TMOD2: variants seen among roughly 807,000 people sequenced by gnomAD.
TMOD2 encodes tropomodulin-2.
TMOD2 carries 22 observed loss-of-function variants against 39.9 expected under a neutral mutation model. The ratio of observed to expected loss-of-function variants is 0.55; its 90% CI spans 0.39 to 0.79. The LOEUF is 0.79. Ranked by LOEUF, TMOD2 falls within the 30% of genes least tolerant of loss-of-function variation. The probability of loss-of-function intolerance (pLI) is 0.00; values close to 1 mark genes in which losing one functional copy is unlikely to be tolerated. For synonymous variants in TMOD2, 123 were observed against 146.1 expected, an observed-to-expected ratio of 0.84 and a Z score of 1.14; for missense variants, 386 against 413.3, an observed-to-expected ratio of 0.93 and a Z score of 0.57.
Position 51,774,954 on chromosome 15 carries a change from A to G in TMOD2, c.406+1120A>G, listed in dbSNP as rs111752211. 8.0e-3 allele frequency among the ~76,000 whole-genome samples: 1,216 copies of G among 151,980 alleles called. 20 individuals carry two copies. The highest frequency in any genetic ancestry group is 0.028 in the African/African-American group (1,154 of 41,446). The stretch of plus-strand genomic sequence containing the variant: ...ATTCATACAGTAAAACCAGAGAGAG[A>G]ATCCAAATAGAAAACTGTCCTCGTT... On this transcript the variant is annotated intron_variant, in intron 4 of 9. Transcript: ENST00000249700.
intron 1 of TMOD2, among the ~76,000 whole-genome samples, chr15:51,754,070 G>T (rs1025734983): frequency 6.6e-6 from 1 of 152,036 alleles, no homozygotes; most frequent in African/African-American, 2.4e-5. Flanking sequence ...CGGGGGGTTG[G>T]TGTTCCCATT....
intron 7 of TMOD2, among the ~76,000 whole-genome samples, chr15:51,788,061 A>G (rs1383324558): frequency 6.6e-6 from 1 of 152,244 alleles, no homozygotes; most frequent in African/African-American, 2.4e-5. Context: ...TTCTCTGAGC[A>G]AAAGGAGCAT....
intron 7 of TMOD2, among the ~76,000 whole-genome samples, chr15:51,790,689 G>T (rs1273172246): frequency 1.3e-5 from 2 of 152,112 alleles, no homozygotes; most frequent in African/African-American, 4.8e-5. Flanking sequence ...GGGATGCAAG[G>T]GTGGTTCAAC....
At chr15:51,774,921 A>T (rs943755578) in intron 4 of TMOD2, among the ~76,000 whole-genome samples, 2 of 151,982 alleles carry the variant, frequency 1.3e-5, no homozygotes, top group Non-Finnish European at 2.9e-5. Context: ...AAGATACTAG[A>T]TCCTGAAATT....
intron 6 of TMOD2, among the ~76,000 whole-genome samples, chr15:51,781,511 G>T (rs1268581998): frequency 6.6e-6 from 1 of 152,228 alleles, no homozygotes; most frequent in Non-Finnish European, 1.5e-5. Flanking sequence ...TAGCTGGATA[G>T]TGTGGCTCAG....
chr15:51,804,329 A>G (rs1259419729), intron 8 of TMOD2, among the ~76,000 whole-genome samples: 1 of 152,236 alleles, frequency 6.6e-6, no homozygotes, highest in Non-Finnish European at 1.5e-5. Context: ...TGTTAGATGA[A>G]AAATAAAAAC....
chr15:51,792,427 A>G (rs568269481), intron 7 of TMOD2, among the ~76,000 whole-genome samples: 20 of 152,354 alleles, frequency 1.3e-4, no homozygotes, highest in African/African-American at 4.8e-4. Context: ...AGTATAAATT[A>G]GTTCAACCAT....
At chr15:51,789,230 C>CT (rs1439550417) in intron 7 of TMOD2, among the ~76,000 whole-genome samples, 12 of 152,156 alleles carry the variant, frequency 7.9e-5, no homozygotes, top group African/African-American at 2.9e-4. Flanking sequence ...ATAAAACAGA[C>CT]TTTAAACTAA....
rs961959786 is a variant in TMOD2, at chr15:51,780,781, T to C, written c.494-263T>C. ...CCATGGATATTTTGAAAGTTGGAGT[T>C]TGCTGCAGGGTCTCCTGAACTTTGG... On this transcript the variant is annotated intron_variant, in intron 5 of 9. Coordinates refer to ENST00000249700, the MANE Select transcript of TMOD2 (RefSeq NM_014548.4). Among the ~76,000 whole-genome samples, 9 of 152,190 alleles carry C rather than the reference T, an allele frequency of 5.9e-5. 1 individual carries two copies. Among genetic ancestry groups the C allele is most frequent in the African/African-American group, 2.2e-4 (9 of 41,448 alleles).
chr15:51,789,618 C>G (rs1200942157), intron 7 of TMOD2, among the ~76,000 whole-genome samples: 1 of 152,216 alleles, frequency 6.6e-6, no homozygotes, highest in Admixed American at 6.5e-5. Flanking sequence ...AAGTGAAACA[C>G]TCCTCAGCAA....
chr15:51,801,237 TCACACACA>T (rs546562505), intron 8 of TMOD2, among the ~76,000 whole-genome samples: 99 of 102,134 alleles, frequency 9.7e-4, no homozygotes, highest in Middle Eastern at 5.7e-3. Context: ...TCTCTCTCTC[TCACACACA>T]CACACACACA....
In TMOD2 at chr15:51,814,131, C is replaced by T. The variant is rs1430809550; in HGVS notation, c.*5677C>T. 6.6e-6 allele frequency: 1 copy of T among 152,208 alleles called. No homozygotes were observed. 9.4% of individuals were successfully genotyped at this position (152,208 alleles called of 1,614,324 possible). The stretch of plus-strand genomic sequence containing the variant: ...CCTTGCAGAGGGCCTAGGCTGGGCA[C>T]AAGGGAGAAAGCGAACAGTTGACTA... On this transcript the variant is annotated 3_prime_UTR_variant, in exon 10 of 10. Transcript: ENST00000249700.
rs2056158606 is a variant in TMOD2 at position 51,811,826 on chromosome 15, G to C, written c.*3372G>C. The C allele has an allele frequency of 6.6e-6, 1 of 152,102 alleles. No individual in the cohort carries two copies. The highest frequency in any genetic ancestry group is 2.4e-5 in the African/African-American group (1 of 41,420). 9.4% of individuals were successfully genotyped at this position (152,102 alleles called of 1,614,324 possible). On this transcript the variant is annotated 3_prime_UTR_variant, in exon 10 of 10. Transcript: ENST00000249700. ...ATGAAATTACTCCCTAGGCTTTGCA[G>C]TTTATGTTACCAACCACCACATTTT...
rs773591497 is a variant in TMOD2 at position 51,806,472 on chromosome 15, A to G, written c.972A>G (p.Gln324=). The change falls in exon 9 of 10, where the codon CAA becomes CAG. Residue 324 remains glutamine, a synonymous_variant. Transcript: ENST00000249700. ...AGTTTGGATACCAGTTTACCAAGCA[A>G]GGGCCACGAACAAGGGTGGCAGCTG... The part of the protein sequence containing the change: ...ILKFGYQFTK[Q]GPRTRVAAAI... The G allele has an allele frequency of 2.5e-6, 4 of 1,614,232 alleles. No homozygotes were observed. The highest frequency in any genetic ancestry group is 1.1e-5 in the South Asian group (1 of 91,080).
In TMOD2 at chr15:51,812,561, T is replaced by G. The variant is rs2056162959; in HGVS notation, c.*4107T>G. ...CAGAGGAAGCATAAAAATTCTGGAC[T>G]AATATAATTTTATATGTGTTTCTGA... On this transcript the variant is annotated 3_prime_UTR_variant, in exon 10 of 10. Transcript: ENST00000249700. 6.6e-6 allele frequency: 1 copy of G among 152,228 alleles called. No individual in the cohort carries two copies. Among genetic ancestry groups the G allele is most frequent in the South Asian group, 2.1e-4 (1 of 4,832 alleles). 9.4% of individuals were successfully genotyped at this position (152,228 alleles called of 1,614,324 possible).
intron 8 of TMOD2, among the ~76,000 whole-genome samples, chr15:51,802,055 G>T (rs899122880): frequency 6.6e-6 from 1 of 151,528 alleles, no homozygotes; most frequent in Non-Finnish European, 1.5e-5. Flanking sequence ...CCCATCTATT[G>T]TCCTGGGTTT....
chr15:51,795,573 G>GCTTTCTTT (rs1491199891), intron 7 of TMOD2, among the ~76,000 whole-genome samples: 39 of 33,910 alleles, frequency 1.2e-3, no homozygotes, highest in East Asian at 2.4e-3. Context: ...CTGCTTGCTT[G>GCTTTCTTT]CTTGCTTTCT....
At chr15:51,787,207 A>G (rs1272885839) in intron 7 of TMOD2, among the ~76,000 whole-genome samples, 1 of 152,208 alleles carries the variant, frequency 6.6e-6, no homozygotes, top group Non-Finnish European at 1.5e-5. Context: ...TCCCACGCCC[A>G]CAGAGCCTTC....
intron 7 of TMOD2, among the ~76,000 whole-genome samples, chr15:51,792,893 T>C (rs1029168208): frequency 6.6e-6 from 1 of 151,988 alleles, no homozygotes; most frequent in African/African-American, 2.4e-5. Flanking sequence ...GGGATAACAT[T>C]AGGAGAAATA....
Sources: allele counts gnomAD v4.1 joint callset (sites outside exome capture counted in the v4.1 genomes callset), GRCh38; gene constraint gnomAD v4.1.1; transcripts MANE v1.5; gene names NCBI Gene and HGNC (gene_info 2026-07-23, HGNC 2026-07-21).